Variants in VWA8 observed in about 807,000 individuals in gnomAD.
The protein encoded by VWA8 is von Willebrand factor A domain-containing protein 8.
Under a neutral mutation model 241.5 loss-of-function variants are expected in VWA8, and 221 were observed. That is an observed-to-expected ratio of 0.91 (90% CI 0.82 to 1.02). VWA8 has a LOEUF of 1.02. Ranked by LOEUF, VWA8 falls within the 50% of genes least tolerant of loss-of-function variation. The pLI is 0.00. For missense variants in VWA8, 2,322 were observed against 2,328.7 expected, an observed-to-expected ratio of 1.00 and a Z score of 0.06; for synonymous variants, 852 against 827.1, an observed-to-expected ratio of 1.03 and a Z score of -0.52.
At chr13:41,610,956 A>T (rs1195785059) in intron 39 of VWA8, among the ~76,000 whole-genome samples, 2 of 151,834 alleles carry the variant, frequency 1.3e-5, no homozygotes, top group Non-Finnish European at 2.9e-5. Context: ...CCCTATCCAA[A>T]CTCACTGTCC....
intron 4 of VWA8, among the ~76,000 whole-genome samples, chr13:41,896,726 T>C (rs1354114242): frequency 3.3e-5 from 5 of 152,108 alleles, no homozygotes; most frequent in Admixed American, 1.3e-4. Context: ...GACTTTCAAA[T>C]TGGCAAGGAT....
At chr13:41,607,055 T>C (rs2044558164) in intron 39 of VWA8, among the ~76,000 whole-genome samples, 1 of 152,214 alleles carries the variant, frequency 6.6e-6, no homozygotes. Context: ...CAAATGCATG[T>C]ATGTATATAG....
At chr13:41,648,975 G>A (rs2044851093) in intron 37 of VWA8, among the ~76,000 whole-genome samples, 1 of 152,202 alleles carries the variant, frequency 6.6e-6, no homozygotes, top group African/African-American at 2.4e-5. Context: ...CATGAGGCCA[G>A]GAGTTCGATA....
intron 37 of VWA8, among the ~76,000 whole-genome samples, chr13:41,663,446 T>A (rs1378681475): frequency 6.6e-6 from 1 of 150,442 alleles, no homozygotes; most frequent in East Asian, 1.9e-4. Flanking sequence ...ACAAGATGTA[T>A]AACAATTTAA....
At chr13:41,614,030 G>A (rs967019769) in intron 38 of VWA8, among the ~76,000 whole-genome samples, 3 of 152,178 alleles carry the variant, frequency 2.0e-5, no homozygotes, top group African/African-American at 7.2e-5. Flanking sequence ...AACCACATCT[G>A]GCCAGCTCGT....
chr13:41,915,699 C>T (rs919782615), intron 2 of VWA8, among the ~76,000 whole-genome samples: 3 of 152,142 alleles, frequency 2.0e-5, no homozygotes, highest in Non-Finnish European at 2.9e-5. Context: ...ATAAGTTCTA[C>T]CTTTAGAGTA....
chr13:41,864,591 T>G (rs1690138386), intron 12 of VWA8: 1 of 442,098 alleles, frequency 2.3e-6, no homozygotes, highest in African/African-American at 2.0e-5. Context: ...AGGACAAAAA[T>G]TATATGATTC....
At chr13:41,667,054 C>T (rs1456606677) in intron 37 of VWA8, among the ~76,000 whole-genome samples, 5 of 152,112 alleles carry the variant, frequency 3.3e-5, no homozygotes, top group Non-Finnish European at 7.4e-5. Flanking sequence ...GTAAACTATG[C>T]TCCTTAAAAA....
chr13:41,605,045 T>C, intron 40 of VWA8, 123 bp downstream of exon 40: 1 of 855,268 alleles, frequency 1.2e-6, no homozygotes, highest in South Asian at 1.7e-5. Context: ...TATGCAGACA[T>C]TTTCACACTG....
At chr13:41,636,950 C>T (rs2044761833) in intron 37 of VWA8, among the ~76,000 whole-genome samples, 1 of 151,258 alleles carries the variant, frequency 6.6e-6, no homozygotes, top group Non-Finnish European at 1.5e-5. Flanking sequence ...AATAGGAACA[C>T]TTTTACACTG....
chr13:41,890,822 A>G (rs1346393713), intron 5 of VWA8, among the ~76,000 whole-genome samples: 1 of 152,226 alleles, frequency 6.6e-6, no homozygotes, highest in Admixed American at 6.5e-5. Flanking sequence ...AAATGGATGC[A>G]CTGTTAAGGC....
intron 36 of VWA8, among the ~76,000 whole-genome samples, chr13:41,674,436 T>C (rs190434928): frequency 6.6e-6 from 1 of 152,188 alleles, no homozygotes; most frequent in Non-Finnish European, 1.5e-5. Context: ...GGAGCAGATG[T>C]GATTGCAATA....
At chr13:41,738,549 CAA>C (rs906840492) in intron 21 of VWA8, among the ~76,000 whole-genome samples, 1 of 152,122 alleles carries the variant, frequency 6.6e-6, no homozygotes, top group Non-Finnish European at 1.5e-5. Flanking sequence ...TGCTGATAAT[CAA>C]GTCTTTTAAC....
chr13:41,750,483 A>G (rs1264824961), intron 21 of VWA8, among the ~76,000 whole-genome samples: 2 of 104,392 alleles, frequency 1.9e-5, no homozygotes, highest in African/African-American at 3.2e-5. Context: ...AAAAAAAAGG[A>G]AAAAAAGAAA....
intron 30 of VWA8, 77 bp downstream of exon 30, chr13:41,692,785 G>A: frequency 9.0e-6 from 10 of 1,116,912 alleles, no homozygotes; most frequent in Non-Finnish European, 1.3e-5. Context: ...TTAAAGGGAT[G>A]GGCATGCATG....
chr13:41,587,200 G>A (rs1360883702), intron 42 of VWA8, among the ~76,000 whole-genome samples: 1 of 152,186 alleles, frequency 6.6e-6, no homozygotes, highest in Non-Finnish European at 1.5e-5. Context: ...TGGGGCAAGA[G>A]TGGGTGGGTA....
At chr13:41,605,119 TCCAGGTTTGGGC>T in intron 40 of VWA8, 37 bp downstream of exon 40, 3 of 1,576,868 alleles carry the variant, frequency 1.9e-6, no homozygotes, top group Non-Finnish European at 2.6e-6. Context: ...TAGGAATGTG[TCCAGGTTTGGGC>T]CCAGGTTATT....
intron 14 of VWA8, among the ~76,000 whole-genome samples, chr13:41,821,936 T>C (rs1461113006): frequency 2.0e-5 from 3 of 152,098 alleles, no homozygotes; most frequent in East Asian, 1.9e-4. Flanking sequence ...ATTCCGTTTA[T>C]ATAAAACTCT....
Position 41,660,508 on chromosome 13 carries a change from C to T in VWA8, c.4611+10438G>A, listed in dbSNP as rs572297500. 1.6e-4 allele frequency among the ~76,000 whole-genome samples: 24 copies of T among 152,274 alleles called. 1 individual carries two copies. In the South Asian group the frequency reaches 5.0e-3, roughly 32 times the overall value. ...ACATTCTTGAGGAGAAGCAGTATCC[C>T]TGTGTGGGTCCTGTCTTTCAATGCC... On this transcript the variant is annotated intron_variant, in intron 37 of 44. Coordinates refer to ENST00000379310, the MANE Select transcript of VWA8 (RefSeq NM_015058.2).
Sources: gnomAD v4.1 joint callset for allele counts (sites outside exome capture counted in the v4.1 genomes callset) on GRCh38, gnomAD v4.1.1 for gene constraint, MANE v1.5 for transcripts, NCBI Gene and HGNC (gene_info 2026-07-23, HGNC 2026-07-21) for gene names.